Variants in CFHR4 observed in about 807,000 individuals in gnomAD.
CFHR4 encodes the protein complement factor H related 4.
In CFHR4, 64 loss-of-function variants were observed where a neutral mutation model predicts 69.3. The observed-to-expected ratio is 0.92, with a 90% CI of 0.76 to 1.14. The LOEUF is 1.14. CFHR4 is among the 50% of genes most tolerant of loss of function. The probability of loss-of-function intolerance (pLI) is 0.00; values close to 1 mark genes in which losing one functional copy is unlikely to be tolerated. For missense variants in CFHR4, 636 were observed against 684.9 expected (o/e 0.93, Z 0.80); for synonymous variants, 244 against 237.0 (o/e 1.03, Z -0.27).
chr1:196,897,564 T>C (rs1657368798), intron 1 of CFHR4, among the ~76,000 whole-genome samples: 1 of 151,180 alleles, frequency 6.6e-6, no homozygotes, highest in Non-Finnish European at 1.5e-5. Flanking sequence ...GCAAGTTGGA[T>C]AGGGAGCCCG....
intron 4 of CFHR4, 110 bp from the exon 5 acceptor site, chr1:196,907,206 T>C: frequency 1.6e-6 from 2 of 1,225,318 alleles, no homozygotes; most frequent in Non-Finnish European, 2.3e-6. Flanking sequence ...AATACAAATG[T>C]CTTCCTAAGA....
In CFHR4 at chr1:196,906,881, T is replaced by C. The variant is rs765459362; in HGVS notation, c.460T>C (p.Phe154Leu). The change falls in exon 4 of 10, where the codon TTT (phenylalanine) becomes CTT (leucine). Residue 154 changes from phenylalanine (F) to leucine (L), a missense_variant. By Grantham distance (22) the Phe-to-Leu change is conservative. Around this residue, in one of 3 missense-constraint regions of CFHR4, gnomAD observed 529 missense variants for 533.2 expected, o/e 0.99. Transcript: ENST00000608469. Reference protein sequence around the residue: ...ICIKFCDMPVFENSRAKSNGM... With the variant: ...ICIKFCDMPVLENSRAKSNGM... Reference sequence around the variant, plus strand: ...TTCAGAATTTTGTGATATGCCTGTTTTTGAGAATTCCAGAGCCAAGAGTAA... The same window carrying C: ...TTCAGAATTTTGTGATATGCCTGTTCTTGAGAATTCCAGAGCCAAGAGTAA... 1.9e-6 allele frequency: 3 copies of C among 1,603,502 alleles called. No individual in the cohort carries two copies. In the African/African-American group the frequency reaches 4.1e-5, roughly 22 times the overall value.
intron 3 of CFHR4, 147 bp downstream of exon 3, chr1:196,905,437 C>A: frequency 8.1e-7 from 1 of 1,228,080 alleles, no homozygotes. Flanking sequence ...CTGTGCCAAA[C>A]TAAGTCTTTT....
intron 2 of CFHR4, among the ~76,000 whole-genome samples, chr1:196,904,881 C>T (rs114102932): frequency 6.6e-6 from 1 of 151,658 alleles, no homozygotes; most frequent in Non-Finnish European, 1.5e-5. Flanking sequence ...CCTGCCAGAG[C>T]TCTGTTGACA....
chr1:196,901,065 A>T (rs192735303), intron 1 of CFHR4, among the ~76,000 whole-genome samples: 2 of 151,566 alleles, frequency 1.3e-5, no homozygotes, highest in Non-Finnish European at 2.9e-5. Flanking sequence ...TTAAAGACAA[A>T]TTATTCATCT....
In CFHR4 at chr1:196,912,722, C is replaced by T. The variant is rs2478009; in HGVS notation, c.998-18C>T. 3.9e-6 allele frequency: 6 copies of T among 1,545,516 alleles called. No homozygotes were observed. Among genetic ancestry groups the T allele is most frequent in the South Asian group, 2.5e-5 (2 of 80,372 alleles). On this transcript the variant is annotated intron_variant, in intron 6 of 9. Transcript: ENST00000608469. ...ATTCAACAAATATTTACTTTTTTCT[C>T]TACTTTTTCTATTTTAGGAACATGC...
intron 1 of CFHR4, among the ~76,000 whole-genome samples, chr1:196,894,583 CT>C (rs888732275): frequency 6.6e-6 from 1 of 151,376 alleles, no homozygotes; most frequent in African/African-American, 2.4e-5. Context: ...ATATGGGATT[CT>C]TAGTTGAAAG....
intron 3 of CFHR4, among the ~76,000 whole-genome samples, chr1:196,905,854 A>G (rs1352087492): frequency 6.6e-6 from 1 of 151,438 alleles, no homozygotes; most frequent in African/African-American, 2.4e-5. Context: ...GGGTGGGCTG[A>G]ATGTTTACAA....
chr1:196,896,419 C>G (rs1259591889), intron 1 of CFHR4, among the ~76,000 whole-genome samples: 1 of 151,610 alleles, frequency 6.6e-6, no homozygotes, highest in Non-Finnish European at 1.5e-5. Context: ...AAATTCACAT[C>G]AGCCAAGGGG....
chr1:196,899,233 A>C (rs114475757), intron 1 of CFHR4, among the ~76,000 whole-genome samples: 1 of 148,456 alleles, frequency 6.7e-6, no homozygotes, highest in Admixed American at 6.7e-5. Flanking sequence ...TTTTTTTTCT[A>C]TCTTGCAGTG....
rs191637080 is a variant in CFHR4, at chr1:196,904,411, A to G, written c.257-697A>G. Among the ~76,000 whole-genome samples the G allele has an allele frequency of 2.0e-5, 3 of 151,644 alleles. No homozygotes were observed. In the East Asian group the frequency reaches 5.8e-4, roughly 29 times the overall value. On this transcript the variant is annotated intron_variant, in intron 2 of 9. Coordinates refer to ENST00000608469, the MANE Select transcript of CFHR4 (RefSeq NM_001201550.3). The stretch of plus-strand genomic sequence containing the variant: ...TTACATTTTTTTCTAATTACTAACC[A>G]AAAAAGAACATACACATTATTAATA...
intron 1 of CFHR4, among the ~76,000 whole-genome samples, chr1:196,894,599 T>C (rs557964808): frequency 1.6e-4 from 25 of 151,570 alleles, no homozygotes; most frequent in African/African-American, 6.1e-4. Context: ...TGAAAGACGT[T>C]TTTTTTCTTT....
In CFHR4 at chr1:196,889,897, G is replaced by A. The variant is rs150587039; in HGVS notation, c.58+1689G>A. On this transcript the variant is annotated intron_variant, in intron 1 of 9. Transcript: ENST00000608469. ...ACCATATAGAGAAAGACCACGTAAG[G>A]CATAGAGAGAATACAACCATTTACA... is the stretch of plus-strand genomic sequence containing the variant. Among the ~76,000 whole-genome samples the A allele has an allele frequency of 3.4e-4, 51 of 151,478 alleles. 2 individuals carry two copies. The highest frequency in any genetic ancestry group is 1.2e-3 in the African/African-American group (50 of 41,146).
At chr1:196,910,185 T>G in intron 5 of CFHR4, 96 bp from the exon 6 acceptor site, 5 of 669,610 alleles carry the variant, frequency 7.5e-6, no homozygotes, top group Non-Finnish European at 1.1e-5. Flanking sequence ...AAAAAAAACA[T>G]TATTTGGAAG....
At chr1:196,891,389 C>T (rs189113077) in intron 1 of CFHR4, among the ~76,000 whole-genome samples, 5 of 151,544 alleles carry the variant, frequency 3.3e-5, no homozygotes, top group African/African-American at 7.3e-5. Context: ...TTTTCCAATA[C>T]GGAGGAGACA....
intron 1 of CFHR4, among the ~76,000 whole-genome samples, chr1:196,890,261 C>A (rs958367613): frequency 6.6e-6 from 1 of 151,386 alleles, no homozygotes; most frequent in Non-Finnish European, 1.5e-5. Flanking sequence ...CATATCTATT[C>A]AGAATCTGGC....
chr1:196,911,042 T>C (rs1658240640), intron 6 of CFHR4, among the ~76,000 whole-genome samples: 1 of 151,414 alleles, frequency 6.6e-6, no homozygotes, highest in Admixed American at 6.6e-5. Flanking sequence ...CAGTTCCATG[T>C]ACAGAGGATG....
chr1:196,918,497 A>G lies in CFHR4; in HGVS notation c.*91A>G. On this transcript the variant is annotated 3_prime_UTR_variant, in exon 10 of 10. Coordinates refer to ENST00000608469, the MANE Select transcript of CFHR4 (RefSeq NM_001201550.3). Reference sequence around the variant, plus strand: ...CAAAGATAGCTTCTGATATTGTTGTAATTTCTACTTTATTTCAAAGAAAAT... The same window carrying G: ...CAAAGATAGCTTCTGATATTGTTGTGATTTCTACTTTATTTCAAAGAAAAT... 8.0e-7 allele frequency: 1 copy of G among 1,256,710 alleles called. No individual in the cohort carries two copies. The highest frequency in any genetic ancestry group is 1.2e-6 in the Non-Finnish European group (1 of 868,246). 77.8% of individuals were successfully genotyped at this position (1,256,710 alleles called of 1,614,324 possible).
chr1:196,900,772 G>A (rs886413243), intron 1 of CFHR4, among the ~76,000 whole-genome samples: 1 of 151,092 alleles, frequency 6.6e-6, no homozygotes. Context: ...AGTGGTCGGG[G>A]GGAAACAACA....
Sources: gnomAD v4.1 joint callset for allele counts (sites outside exome capture counted in the v4.1 genomes callset) on GRCh38, gnomAD v4.1.1 for gene constraint, gnomAD v4.1.1 regional missense constraint, MANE v1.5 for transcripts, NCBI Gene and HGNC (gene_info 2026-07-23, HGNC 2026-07-21) for gene names.